Variants in NCSTN observed in about 807,000 individuals in gnomAD.
NCSTN encodes nicastrin, also known as anterior pharynx-defective 2.
In NCSTN, 22 loss-of-function variants were observed where a neutral mutation model predicts 87.0. That is an observed-to-expected ratio of 0.25 (90% CI 0.18 to 0.36). NCSTN has a LOEUF of 0.36. Among genes scored for constraint, NCSTN ranks in the 10% least tolerant of loss-of-function variants. NCSTN has a pLI of 1.00. For synonymous variants in NCSTN, 306 were observed against 327.1 expected (o/e 0.94, Z 0.69); for missense variants, 693 against 883.3 (o/e 0.78, Z 2.73).
intron 3 of NCSTN, 170 bp from the exon 4 acceptor site, chr1:160,349,379 A>G: frequency 3.6e-6 from 4 of 1,098,724 alleles, no homozygotes; most frequent in Non-Finnish European, 5.6e-6. Context: ...CTAAAGCTCT[A>G]CTTTTTAGAG....
chr1:160,345,621 A>G (rs1202887843), intron 2 of NCSTN, among the ~76,000 whole-genome samples: 1 of 152,318 alleles, frequency 6.6e-6, no homozygotes. Flanking sequence ...GCAATGAACT[A>G]TCTGAAGAGA....
At chr1:160,351,060 G>T (rs7540865) in intron 5 of NCSTN, among the ~76,000 whole-genome samples, 162 bp from the exon 6 acceptor site, 50,759 of 151,966 alleles carry the variant, frequency 0.33, 8,735 homozygotes, top group African/African-American at 0.39. Flanking sequence ...TGACCTTATA[G>T]ATCCTATGGT....
At chr1:160,353,806 T>C (rs1648995785) in intron 10 of NCSTN, 2 of 814,986 alleles carry the variant, frequency 2.5e-6, no homozygotes, top group Non-Finnish European at 1.5e-6. Flanking sequence ...CCTTCAATTC[T>C]GCACAATAAA....
At chr1:160,351,087 T>C in intron 5 of NCSTN, 135 bp from the exon 6 acceptor site, 1 of 900,458 alleles carries the variant, frequency 1.1e-6, no homozygotes. Flanking sequence ...AGGATAACTA[T>C]AGCTCAGGGA....
At position 160,358,331 on chromosome 1, in the gene NCSTN, T is replaced by TG; in HGVS notation, c.*63dup. On this transcript the variant is annotated 3_prime_UTR_variant, in exon 17 of 17. Transcript: ENST00000294785. ...TCACTTCCTAGAGCATCTGTCCCAC[T>TG]GGGACACAACCACTAATTTGTCACT... is the stretch of plus-strand genomic sequence containing the variant. The TG allele has an allele frequency of 6.2e-7, 1 of 1,610,866 alleles. No homozygotes were observed. The highest frequency in any genetic ancestry group is 8.5e-7 in the Non-Finnish European group (1 of 1,178,932).
chr1:160,356,998 G>A, intron 15 of NCSTN, 43 bp from the exon 16 acceptor site: 1 of 1,555,244 alleles, frequency 6.4e-7, no homozygotes, highest in Non-Finnish European at 8.9e-7. Context: ...CGAGTGAGAA[G>A]AGGATCACCC....
Position 160,358,659 on chromosome 1 carries a change from C to A in NCSTN, c.*388C>A. The A allele has an allele frequency of 3.1e-6, 1 of 324,684 alleles. No individual in the cohort carries two copies. Among genetic ancestry groups the A allele is most frequent in the East Asian group, 7.9e-5 (1 of 12,642 alleles). 20.1% of individuals were successfully genotyped at this position (324,684 alleles called of 1,614,324 possible). A position where few individuals can be genotyped will look rare whatever the true frequency, so the allele number is the denominator to read the frequency against. The stretch of plus-strand genomic sequence containing the variant: ...CCCACCCCTGTACCCAGCCACCTTC[C>A]TGACTGGGAAGGACATAAAAGGTTT... On this transcript the variant is annotated 3_prime_UTR_variant, in exon 17 of 17. Transcript: ENST00000294785.
chr1:160,352,554 A>G (rs1428231328), intron 8 of NCSTN, among the ~76,000 whole-genome samples: 1 of 152,218 alleles, frequency 6.6e-6, no homozygotes, highest in African/African-American at 2.4e-5. Flanking sequence ...CTAGGACCAC[A>G]GCAGAATAAG....
In NCSTN at chr1:160,344,842, T is replaced by G. The variant is rs1215005225; in HGVS notation, c.190+16T>G. ...GGCTGCCAGTGTGAGTTGAGATGGA[T>G]TCATGTTTGTGGACATTGATATTTG... On this transcript the variant is annotated intron_variant, in intron 2 of 16. Transcript: ENST00000294785. 5 of 1,594,498 alleles carry G rather than the reference T, an allele frequency of 3.1e-6. No homozygotes were observed. Among genetic ancestry groups the G allele is most frequent in the Non-Finnish European group, 4.3e-6 (5 of 1,162,486 alleles).
intron 14 of NCSTN, 114 bp downstream of exon 14, chr1:160,356,461 C>G (rs1031814419): frequency 4.2e-6 from 6 of 1,424,744 alleles, no homozygotes; most frequent in Non-Finnish European, 5.9e-6. Flanking sequence ...TTCTTACCCC[C>G]TGTTTTCCTT....
rs1648946093 is a variant in NCSTN at position 160,353,003 on chromosome 1, G to A, written c.1101+12G>A. 6.2e-7 allele frequency: 1 copy of A among 1,608,494 alleles called. No individual in the cohort carries two copies. Among genetic ancestry groups the A allele is most frequent in the South Asian group, 1.1e-5 (1 of 90,956 alleles). On this transcript the variant is annotated intron_variant, in intron 9 of 16. Transcript: ENST00000294785. ...TGGAGCTGGGACAGGTATGTGGCATGTCCCCCAGCCCCTTCCTTTTTAATT... is the reference window on the plus strand; with the variant it reads ...TGGAGCTGGGACAGGTATGTGGCATATCCCCCAGCCCCTTCCTTTTTAATT...
intron 2 of NCSTN, among the ~76,000 whole-genome samples, chr1:160,347,614 G>T (rs12090205): frequency 0.02 from 2,862 of 145,242 alleles, 93 homozygotes; most frequent in African/African-American, 0.076. Flanking sequence ...AAGTTTTGGG[G>T]TGTGTGTGTG....
At position 160,351,676 on chromosome 1, in the gene NCSTN, ATTGT is replaced by A. The variant is rs2101902376; in HGVS notation, c.734-15_734-12del. ...TCTCCTTTAGCCTTGTTGATCTCTC[ATTGT>A]TTGTGTCCTGCTTAGAAATCGTCTG... On this transcript the variant is annotated splice_polypyrimidine_tract_variant and intron_variant, in intron 6 of 16. Coordinates refer to ENST00000294785, the MANE Select transcript of NCSTN (RefSeq NM_015331.3). The A allele has an allele frequency of 6.4e-7, 1 of 1,553,200 alleles. No homozygotes were observed. Among genetic ancestry groups the A allele is most frequent in the Non-Finnish European group, 8.9e-7 (1 of 1,124,516 alleles).
intron 6 of NCSTN, 76 bp from the exon 7 acceptor site, chr1:160,351,618 CAG>C: frequency 7.2e-7 from 1 of 1,385,248 alleles, no homozygotes; most frequent in South Asian, 1.2e-5. Flanking sequence ...GGGCACTGGT[CAG>C]AGATTTCCAA....
In NCSTN at chr1:160,354,667, ACT is replaced by A. The variant is rs1422318408; in HGVS notation, c.1352+379_1352+380del. Among the ~76,000 whole-genome samples the A allele has an allele frequency of 3.3e-5, 5 of 151,848 alleles. No homozygotes were observed. The East Asian group carries it at 9.6e-4, about 29-fold the overall frequency. On this transcript the variant is annotated intron_variant, in intron 11 of 16. Coordinates refer to ENST00000294785, the MANE Select transcript of NCSTN (RefSeq NM_015331.3). ...AGACAGAAAGCAGTCCTTCTCTGGAACTCACCCAGAGGTGCCAGAAACAGTAT... is the reference window on the plus strand; with the variant it reads ...AGACAGAAAGCAGTCCTTCTCTGGAACACCCAGAGGTGCCAGAAACAGTAT...
chr1:160,358,263 T>C lies in NCSTN; in HGVS notation c.2122T>C (p.Ser708Pro). ...FIAPREPGAVSY is the reference protein window; with the variant it reads ...FIAPREPGAVPY Reference sequence around the variant, plus strand: ...TGCTCCCCGGGAGCCAGGAGCTGTGTCATACTGAGGAGGACCCCAGCTTTT... The same window carrying C: ...TGCTCCCCGGGAGCCAGGAGCTGTGCCATACTGAGGAGGACCCCAGCTTTT... The change falls in exon 17 of 17, where the codon TCA (serine) becomes CCA (proline). Residue 708 changes from serine to proline, a missense_variant. Physicochemically the swap from Ser to Pro is moderately conservative, Grantham distance 74. Coordinates refer to ENST00000294785, the MANE Select transcript of NCSTN (RefSeq NM_015331.3). The C allele has an allele frequency of 1.2e-6, 2 of 1,614,090 alleles. No homozygotes were observed. The highest frequency in any genetic ancestry group is 1.7e-6 in the Non-Finnish European group (2 of 1,180,002).
In NCSTN at chr1:160,348,851, A is replaced by G. The variant is rs1400598961; in HGVS notation, c.191-148A>G. 11 of 1,108,966 alleles carry G rather than the reference A, an allele frequency of 9.9e-6. No homozygotes were observed. The South Asian group carries it at 1.3e-4, about 13-fold the overall frequency. 68.7% of individuals were successfully genotyped at this position (1,108,966 alleles called of 1,614,324 possible). A position where few individuals can be genotyped will look rare whatever the true frequency, so the allele number is the denominator to read the frequency against. ...ATAACCTTCAGATGGAGCTGGGGCA[A>G]CAGCTTTTCAGTTCAAATCTAGAGG... On this transcript the variant is annotated intron_variant, in intron 2 of 16. Transcript: ENST00000294785.
intron 1 of NCSTN, chr1:160,343,890 T>G: frequency 5.0e-6 from 2 of 402,594 alleles, no homozygotes; most frequent in Non-Finnish European, 5.0e-6. Flanking sequence ...GCTTAAAAGG[T>G]GGATTTCTTA....
rs546947105 is a variant in NCSTN at position 160,350,043 on chromosome 1, C to T, written c.437-62C>T. On this transcript the variant is annotated intron_variant, in intron 4 of 16. Coordinates refer to ENST00000294785, the MANE Select transcript of NCSTN (RefSeq NM_015331.3). ...AACTGAAAGATTCTTCTGCCGTCACCTGGTTCCTAAGTACTTGGTGTCCCA... is the reference window on the plus strand; with the variant it reads ...AACTGAAAGATTCTTCTGCCGTCACTTGGTTCCTAAGTACTTGGTGTCCCA... The T allele has an allele frequency of 6.3e-6, 10 of 1,576,258 alleles. No homozygotes were observed. The South Asian group carries it at 7.8e-5, about 12-fold the overall frequency.
Sources: gnomAD v4.1 joint callset for allele counts (sites outside exome capture counted in the v4.1 genomes callset) on GRCh38, gnomAD v4.1.1 for gene constraint, MANE v1.5 for transcripts, NCBI Gene and HGNC (gene_info 2026-07-23, HGNC 2026-07-21) for gene names.